Variants in CDHR2 observed in about 807,000 individuals in gnomAD.
CDHR2 encodes cadherin related family member 2.
In CDHR2, 104 loss-of-function variants were observed where a neutral mutation model predicts 138.6. The observed-to-expected ratio is 0.75, with a 90% CI of 0.64 to 0.88. The LOEUF (loss-of-function observed/expected upper bound fraction) is 0.88, where lower values mean the gene tolerates loss of function less well. Among genes scored for constraint, CDHR2 ranks in the 40% least tolerant of loss-of-function variants. CDHR2 has a pLI of 0.00. For missense variants in CDHR2, 1,624 were observed against 1,727.6 expected (o/e 0.94, Z 1.06); for synonymous variants, 755 against 742.8 (o/e 1.02, Z -0.27).
Position 176,586,847 on chromosome 5 carries a change from G to A in CDHR2, c.2856+5G>A, listed in dbSNP as rs752135393. The A allele has an allele frequency of 3.7e-6, 6 of 1,607,962 alleles. No individual in the cohort carries two copies. Among genetic ancestry groups the A allele is most frequent in the Non-Finnish European group, 5.1e-6 (6 of 1,177,218 alleles). ...CGGGAGGTGGCTTCTGTCCGGGTAAGTTCTTGGCTCCAGCCTTTGTTGGTC... is the reference window on the plus strand; with the variant it reads ...CGGGAGGTGGCTTCTGTCCGGGTAAATTCTTGGCTCCAGCCTTTGTTGGTC... On this transcript the variant is annotated splice_donor_5th_base_variant and intron_variant, in intron 21 of 31. Coordinates refer to ENST00000261944, the MANE Select transcript of CDHR2 (RefSeq NM_017675.6).
upstream of CDHR2, chr5:176,547,672 ACTG>A (rs1757614810): frequency 6.6e-6 from 1 of 152,128 alleles, no homozygotes; most frequent in Middle Eastern, 3.1e-3. Flanking sequence ...AAGCCATCCT[ACTG>A]CTGCAGCCTC....
chr5:176,574,070 T>C lies in CDHR2; in HGVS notation c.406-13T>C, dbSNP rs1758297449. The C allele has an allele frequency of 2.5e-6, 4 of 1,608,730 alleles. 1 individual carries two copies. The highest frequency in any genetic ancestry group is 2.2e-5 in the East Asian group (1 of 44,820). On this transcript the variant is annotated splice_polypyrimidine_tract_variant and intron_variant, in intron 6 of 31. Transcript: ENST00000261944. ...TGGATTTGAGCTCATAGGTGACGAG[T>C]CCCTCCCTGCAGACCCTGCCCGTGG... is the stretch of plus-strand genomic sequence containing the variant.
intron 17 of CDHR2, among the ~76,000 whole-genome samples, chr5:176,582,363 C>G (rs994255643): frequency 4.6e-5 from 7 of 152,174 alleles, no homozygotes; most frequent in African/African-American, 1.7e-4. Context: ...GAATCAGAGT[C>G]TCACTTATTG....
In CDHR2 at chr5:176,576,553, C is replaced by G. The variant is rs1758387192; in HGVS notation, c.1194+368C>G. 6.8e-6 allele frequency among the ~76,000 whole-genome samples: 1 copy of G among 148,052 alleles called. No individual in the cohort carries two copies. ...GCTGAGCAGTGTTGGGACAAGTGGTCTGAGGGTGTGAGGTGGGAGGGTGCT... is the reference window on the plus strand; with the variant it reads ...GCTGAGCAGTGTTGGGACAAGTGGTGTGAGGGTGTGAGGTGGGAGGGTGCT... On this transcript the variant is annotated intron_variant, in intron 12 of 31. Coordinates refer to ENST00000261944, the MANE Select transcript of CDHR2 (RefSeq NM_017675.6). This position sits in a 1 kb window ranked among gnomAD's most constrained non-coding sequence, Gnocchi z 4.5.
intron 31 of CDHR2, among the ~76,000 whole-genome samples, chr5:176,595,143 T>C (rs1028498918): frequency 6.6e-6 from 1 of 152,194 alleles, no homozygotes; most frequent in African/African-American, 2.4e-5. Context: ...CAGTGGGTAG[T>C]TGAGGTAATG....
chr5:176,544,437 T>TTCTC (rs1327698657), upstream of CDHR2, among the ~76,000 whole-genome samples: 3 of 2,926 alleles, frequency 1.0e-3, no homozygotes, highest in Non-Finnish European at 2.8e-3. Context: ...TTTTCTTTCT[T>TTCTC]TCTTTCTCTC....
chr5:176,585,821 A>AGGGTTGAGGCTGCGGGGCACG (rs1758649553), intron 19 of CDHR2, 133 bp from the exon 20 acceptor site: 20 of 662,730 alleles, frequency 3.0e-5, no homozygotes, highest in East Asian at 8.1e-5. Flanking sequence ...TGCGGGGCAC[A>AGGGTTGAGGCTGCGGGGCACG]GGGTTGAGGC....
At chr5:176,563,913 A>G (rs1338920785) in intron 1 of CDHR2, among the ~76,000 whole-genome samples, 2 of 152,216 alleles carry the variant, frequency 1.3e-5, no homozygotes, top group African/African-American at 4.8e-5. Context: ...AAGAGTATAC[A>G]GTAAAAAACT....
At chr5:176,574,277 C>T in intron 7 of CDHR2, 105 bp downstream of exon 7, 1 of 856,108 alleles carries the variant, frequency 1.2e-6, no homozygotes, top group Non-Finnish European at 1.9e-6. Flanking sequence ...TTGGTCCTGC[C>T]TTGGCCCAGC....
At chr5:176,571,663 A>C (rs958318796) in intron 6 of CDHR2, among the ~76,000 whole-genome samples, 11 of 152,130 alleles carry the variant, frequency 7.2e-5, no homozygotes, top group East Asian at 1.9e-4. Context: ...CAGCCTCCCA[A>C]GTAGCTGGGA....
chr5:176,595,469 A>T, intron 31 of CDHR2, 63 bp from the exon 32 acceptor site: 1 of 1,483,326 alleles, frequency 6.7e-7, no homozygotes, highest in Non-Finnish European at 9.0e-7. Context: ...CCACTCCCCT[A>T]GGGCCTGGGG....
chr5:176,586,820 AC>A lies in CDHR2; in HGVS notation c.2836del (p.Arg946GlyfsTer26). ...FVIIPELVLP[N>X]REVASVRARD... The stretch of plus-strand genomic sequence containing the variant: ...ATCATCCCTGAACTCGTGCTGCCCA[AC>A]CGGGAGGTGGCTTCTGTCCGGGTAA... On this transcript the variant is annotated frameshift_variant, in exon 21 of 32. Coordinates refer to ENST00000261944, the MANE Select transcript of CDHR2 (RefSeq NM_017675.6). LOFTEE classifies it high-confidence loss of function. The A allele has an allele frequency of 6.2e-7, 1 of 1,610,210 alleles. No homozygotes were observed. Among genetic ancestry groups the A allele is most frequent in the Non-Finnish European group, 8.5e-7 (1 of 1,178,336 alleles).
chr5:176,564,431 G>A lies in CDHR2; in HGVS notation c.-15-907G>A, dbSNP rs149742555. On this transcript the variant is annotated intron_variant, in intron 1 of 31. Transcript: ENST00000261944. ...TTGAACTCCTGACCTCAGGTGATCC[G>A]CCCGCCTCGGCCTCCCGAAGTGCTG... Among the ~76,000 whole-genome samples the A allele has an allele frequency of 4.8e-3, 738 of 152,236 alleles. 8 individuals are homozygous for A. The highest frequency in any genetic ancestry group is 0.017 in the African/African-American group (696 of 41,534).
intron 1 of CDHR2, among the ~76,000 whole-genome samples, chr5:176,552,584 G>C (rs1198267620): frequency 6.6e-6 from 1 of 152,192 alleles, no homozygotes; most frequent in Non-Finnish European, 1.5e-5. Flanking sequence ...GCTTAGCATT[G>C]GGGCAGGCCG....
chr5:176,558,076 G>T (rs1041626548), intron 1 of CDHR2, among the ~76,000 whole-genome samples: 1 of 152,046 alleles, frequency 6.6e-6, no homozygotes, highest in Non-Finnish European at 1.5e-5. Flanking sequence ...TCCCCAGCGC[G>T]CATGGTAAGG....
Position 176,575,760 on chromosome 5 carries a change from A to T in CDHR2, c.881A>T (p.Asp294Val). The T allele has an allele frequency of 6.4e-7, 1 of 1,568,808 alleles. No homozygotes were observed. Among genetic ancestry groups the T allele is most frequent in the Admixed American group, 1.9e-5 (1 of 53,312 alleles). The change falls in exon 11 of 32, where the codon GAT becomes GTT. Residue 294 changes from aspartate to valine, a missense_variant. Asp to Val is a radical substitution (Grantham distance 152). This residue lies in a region of CDHR2 where 1,061 missense variants were observed against 1,136.6 expected (regional missense o/e 0.93). Coordinates refer to ENST00000261944, the MANE Select transcript of CDHR2 (RefSeq NM_017675.6). ...TRPGWFDIGA[D>V]GVIRVNGSLD... ...CCCGGCTGGTTTGACATCGGGGCAG[A>T]TGGGGTGATCAGGGTCAACGGCTCC...
At chr5:176,587,249 A>T (rs1758691165) in intron 21 of CDHR2, among the ~76,000 whole-genome samples, 1 of 152,076 alleles carries the variant, frequency 6.6e-6, no homozygotes, top group Non-Finnish European at 1.5e-5. Flanking sequence ...GGAGTCTGCG[A>T]CCAGCCTGAC....
chr5:176,581,159 C>T (rs948917260), intron 16 of CDHR2, among the ~76,000 whole-genome samples, 184 bp from the exon 17 acceptor site: 47 of 152,158 alleles, frequency 3.1e-4, no homozygotes, highest in African/African-American at 1.1e-3. Context: ...ATCTCAGAAG[C>T]TCTTGCAAAC....
In CDHR2 at chr5:176,554,097, T is replaced by G. The variant is rs186760934; in HGVS notation, c.-16+4683T>G. On this transcript the variant is annotated intron_variant, in intron 1 of 31. Transcript: ENST00000261944. ...CTGAGTGCAGCCCTGCCGTTCAGCATGTGGGCTGTCCCCAGCTGTCATCTC... is the reference window on the plus strand; with the variant it reads ...CTGAGTGCAGCCCTGCCGTTCAGCAGGTGGGCTGTCCCCAGCTGTCATCTC... 2.2e-3 allele frequency among the ~76,000 whole-genome samples: 332 copies of G among 152,320 alleles called. 2 individuals are homozygous for G. The highest frequency in any genetic ancestry group is 7.6e-3 in the African/African-American group (317 of 41,564).
Sources: allele counts gnomAD v4.1 joint callset (sites outside exome capture counted in the v4.1 genomes callset), GRCh38; gene constraint gnomAD v4.1.1; regional missense constraint gnomAD v4.1.1; non-coding constraint Gnocchi (gnomAD v3.1); transcripts MANE v1.5; gene names NCBI Gene and HGNC (gene_info 2026-07-23, HGNC 2026-07-21).